Variants in NRXN1 observed in about 807,000 individuals in gnomAD.
NRXN1 encodes neurexin-1.
NRXN1 carries 39 observed loss-of-function variants against 150.9 expected under a neutral mutation model. The ratio of observed to expected loss-of-function variants is 0.26; its 90% CI spans 0.20 to 0.34. The LOEUF is 0.34. Among genes scored for constraint, NRXN1 ranks in the 10% least tolerant of loss-of-function variants. NRXN1 has a pLI of 1.00. For missense variants in NRXN1, 1,815 were observed against 1,949.9 expected (o/e 0.93, Z 1.30); for synonymous variants, 924 against 757.0 (o/e 1.22, Z -3.62).
chr2:50,400,132 G>C (rs1380931367), intron 17 of NRXN1, among the ~76,000 whole-genome samples: 4 of 151,908 alleles, frequency 2.6e-5, no homozygotes, highest in African/African-American at 9.7e-5. Flanking sequence ...TCACCTATTT[G>C]TATACTTTGC....
At chr2:50,878,484 AT>A (rs1005187620) in intron 5 of NRXN1, among the ~76,000 whole-genome samples, 4 of 151,814 alleles carry the variant, frequency 2.6e-5, no homozygotes, top group African/African-American at 9.7e-5. Context: ...TCCAGTTTCT[AT>A]TTTGTTTTTG....
intron 21 of NRXN1, chr2:50,019,322 G>A (rs1372417035): frequency 2.1e-6 from 1 of 471,028 alleles, no homozygotes; most frequent in Non-Finnish European, 4.4e-6. Context: ...GTACTTTTCT[G>A]GTATCCTCGC....
intron 16 of NRXN1, chr2:50,466,396 A>G (rs2088852153): frequency 2.3e-6 from 1 of 438,208 alleles, no homozygotes; most frequent in African/African-American, 2.1e-5. Flanking sequence ...AAAATATGTT[A>G]TTTTAGGGTT....
At chr2:50,411,394 C>T (rs1026418149) in intron 17 of NRXN1, among the ~76,000 whole-genome samples, 5 of 152,084 alleles carry the variant, frequency 3.3e-5, no homozygotes, top group African/African-American at 4.8e-5. Context: ...ACCTCCCAGC[C>T]GCCTGCCTTG....
At chr2:50,138,941 T>A (rs1173325320) in intron 18 of NRXN1, among the ~76,000 whole-genome samples, 1 of 152,212 alleles carries the variant, frequency 6.6e-6, no homozygotes, top group African/African-American at 2.4e-5. Context: ...AGACGTCAGA[T>A]GAAACGTGCC....
At chr2:50,089,745 G>A (rs1019777334) in intron 19 of NRXN1, among the ~76,000 whole-genome samples, 1 of 150,890 alleles carries the variant, frequency 6.6e-6, no homozygotes, top group Non-Finnish European at 1.5e-5. Flanking sequence ...AGCTATGACT[G>A]CCACTACATC....
intron 21 of NRXN1, among the ~76,000 whole-genome samples, chr2:49,975,871 A>G (rs1013457351): frequency 1.3e-5 from 2 of 152,116 alleles, no homozygotes; most frequent in Non-Finnish European, 2.9e-5. Context: ...GTAAAATACA[A>G]TGTGGTAAAT....
chr2:50,057,992 C>A (rs563906863), intron 19 of NRXN1, among the ~76,000 whole-genome samples: 3 of 152,038 alleles, frequency 2.0e-5, no homozygotes, highest in East Asian at 3.9e-4. Flanking sequence ...AAGGTCTAAA[C>A]AAGACAGGTA....
At chr2:50,201,552 A>C (rs984355401) in intron 18 of NRXN1, among the ~76,000 whole-genome samples, 1 of 152,284 alleles carries the variant, frequency 6.6e-6, no homozygotes, top group African/African-American at 2.4e-5. Context: ...CTCTCTTCTG[A>C]TAGCTTATTA....
chr2:50,368,450 T>C (rs1031586228), intron 17 of NRXN1, among the ~76,000 whole-genome samples: 1 of 151,954 alleles, frequency 6.6e-6, no homozygotes, highest in African/African-American at 2.4e-5. Context: ...AACAGGCAAA[T>C]TTGATGGACC....
At chr2:51,031,144 G>A (rs1271905319) in intron 1 of NRXN1, among the ~76,000 whole-genome samples, 2 of 152,014 alleles carry the variant, frequency 1.3e-5, no homozygotes, top group Non-Finnish European at 2.9e-5. Flanking sequence ...GCGAGTATCT[G>A]TATTTATATG....
intron 3 of NRXN1, among the ~76,000 whole-genome samples, chr2:50,924,737 T>C (rs75358507): frequency 0.017 from 2,567 of 151,858 alleles, 88 homozygotes; most frequent in African/African-American, 0.059. Context: ...AAAGTTTTAA[T>C]CTATTTTATT....
At chr2:50,581,291 G>A (rs998354790) in intron 8 of NRXN1, among the ~76,000 whole-genome samples, 7 of 152,134 alleles carry the variant, frequency 4.6e-5, no homozygotes, top group Non-Finnish European at 1.0e-4. Flanking sequence ...CAGTTTTCAG[G>A]TTAATGTGGC....
chr2:50,022,723 T>A (rs1687750920), intron 21 of NRXN1: 1 of 152,234 alleles, frequency 6.6e-6, no homozygotes, highest in African/African-American at 2.4e-5. Flanking sequence ...ATTCTCAATT[T>A]TTACAAAAAG....
intron 18 of NRXN1, among the ~76,000 whole-genome samples, chr2:50,152,583 A>G (rs1387825464): frequency 6.6e-6 from 1 of 151,806 alleles, no homozygotes; most frequent in East Asian, 1.9e-4. Context: ...TTTGCCAGAT[A>G]TAGGATTCTT....
At position 50,863,084 on chromosome 2, in the gene NRXN1, G is replaced by T. The variant is rs193218960; in HGVS notation, c.832+58785C>A. On this transcript the variant is annotated intron_variant, in intron 5 of 22. Coordinates refer to ENST00000401669, the MANE Select transcript of NRXN1 (RefSeq NM_001330078.2). ...ACAGGATAACATTCTTTATGATGGG[G>T]TACCTGATTTTTGGTGTCACTGACT... is the stretch of plus-strand genomic sequence containing the variant. Among the ~76,000 whole-genome samples the T allele has an allele frequency of 3.1e-3, 466 of 152,100 alleles. 1 individual carries two copies. The highest frequency in any genetic ancestry group is 5.4e-3 in the Non-Finnish European group (367 of 67,966).
chr2:50,698,465 G>A (rs1033506026), intron 5 of NRXN1, among the ~76,000 whole-genome samples: 26 of 152,090 alleles, frequency 1.7e-4, no homozygotes, highest in African/African-American at 6.3e-4. Context: ...TCTTAGTGTT[G>A]GAATATAATT....
At chr2:50,477,446 G>C (rs1033310996) in intron 15 of NRXN1, among the ~76,000 whole-genome samples, 2 of 152,124 alleles carry the variant, frequency 1.3e-5, no homozygotes, top group Admixed American at 6.5e-5. Context: ...ACGGAGGTTG[G>C]AGCTTAGAGG....
chr2:50,377,901 T>A (rs2080645546), intron 17 of NRXN1, among the ~76,000 whole-genome samples: 1 of 152,164 alleles, frequency 6.6e-6, no homozygotes, highest in African/African-American at 2.4e-5. Context: ...TGCAGTTCTA[T>A]AAGCTATAGT....
Sources: allele counts gnomAD v4.1 joint callset (sites outside exome capture counted in the v4.1 genomes callset), GRCh38; gene constraint gnomAD v4.1.1; transcripts MANE v1.5; gene names NCBI Gene and HGNC (gene_info 2026-07-23, HGNC 2026-07-21).